The following CCNI variants were observed in gnomAD, a reference collection of about 807,000 sequenced individuals.
The protein encoded by CCNI is cyclin I.
Under a neutral mutation model 34.1 loss-of-function variants are expected in CCNI, and 14 were observed. The ratio of observed to expected loss-of-function variants is 0.41; its 90% CI spans 0.27 to 0.64. The LOEUF (loss-of-function observed/expected upper bound fraction) is 0.64. Among genes scored for constraint, CCNI ranks in the 30% least tolerant of loss-of-function variants. CCNI has a pLI of 0.31. For synonymous variants in CCNI, 154 were observed against 158.4 expected (o/e 0.97, Z 0.21); for missense variants, 385 against 440.5 (o/e 0.87, Z 1.13).
intron 1 of CCNI, among the ~76,000 whole-genome samples, chr4:77,069,887 T>G (rs937471991): frequency 6.6e-6 from 1 of 151,994 alleles, no homozygotes; most frequent in Non-Finnish European, 1.5e-5. Context: ...ATCCTTCCAA[T>G]CTTTGAAGGG....
chr4:77,050,732 A>G (rs1047496050), intron 6 of CCNI, among the ~76,000 whole-genome samples: 2 of 152,144 alleles, frequency 1.3e-5, no homozygotes, highest in African/African-American at 4.8e-5. Flanking sequence ...CATTTAGGCT[A>G]GGTCTTATTA....
chr4:77,050,441 T>G (rs2110006649), intron 6 of CCNI, among the ~76,000 whole-genome samples: 1 of 152,298 alleles, frequency 6.6e-6, no homozygotes, highest in South Asian at 2.1e-4. Context: ...ACATTCACTA[T>G]TTGTTACTGA....
At chr4:77,055,078 G>GT (rs558160298) in intron 6 of CCNI, 72 bp downstream of exon 6, 2 of 938,918 alleles carry the variant, frequency 2.1e-6, no homozygotes, top group South Asian at 1.5e-5. Context: ...ATGTCTTTTA[G>GT]TTTGGTAACT....
chr4:77,056,586 C>CTT (rs35437385), intron 3 of CCNI: 4,942 of 160,960 alleles, frequency 0.031, 129 homozygotes, highest in African/African-American at 0.072. Flanking sequence ...CTAGAGCTAA[C>CTT]TTTTTTTTTT....
chr4:77,060,622 CTAATT>C (rs1728542476), intron 2 of CCNI, among the ~76,000 whole-genome samples: 1 of 146,204 alleles, frequency 6.8e-6, no homozygotes, highest in Non-Finnish European at 1.5e-5. Flanking sequence ...CCAGGCCCGG[CTAATT>C]TTTTTTTTTT....
chr4:77,071,172 T>G (rs1038236709), intron 1 of CCNI, among the ~76,000 whole-genome samples: 1 of 152,220 alleles, frequency 6.6e-6, no homozygotes, highest in Non-Finnish European at 1.5e-5. Flanking sequence ...TCAGGTTCAA[T>G]GGATTCCCGT....
chr4:77,049,277 C>T (rs1259412222), intron 6 of CCNI, among the ~76,000 whole-genome samples: 1 of 152,114 alleles, frequency 6.6e-6, no homozygotes, highest in African/African-American at 2.4e-5. Flanking sequence ...TTCCTTCTTA[C>T]CCTTCAGGAC....
Position 77,047,461 on chromosome 4 carries a change from T to A in CCNI, c.*758A>T, listed in dbSNP as rs890693077. On this transcript the variant is annotated 3_prime_UTR_variant, in exon 7 of 7. Transcript: ENST00000237654. ...GTTAGAAAAATCTAATTTAAGTTGT[T>A]AATACATGTTTCTTTGGTGAGCACC... 2 of 152,222 alleles carry A rather than the reference T, an allele frequency of 1.3e-5. No homozygotes were observed. The highest frequency in any genetic ancestry group is 2.9e-5 in the Non-Finnish European group (2 of 68,040). The allele number at this position is 152,222 out of a possible 1,614,324, so 9.4% of individuals were successfully genotyped here.
At chr4:77,069,966 C>T (rs994082994) in intron 1 of CCNI, among the ~76,000 whole-genome samples, 34 of 151,810 alleles carry the variant, frequency 2.2e-4, no homozygotes, top group African/African-American at 7.0e-4. Context: ...GATATTTTGC[C>T]TCTTCTAAAT....
chr4:77,060,221 G>A (rs549840087), intron 2 of CCNI, among the ~76,000 whole-genome samples: 88 of 152,178 alleles, frequency 5.8e-4, no homozygotes, highest in South Asian at 2.9e-3. Flanking sequence ...TACAAAAAAA[G>A]AGAATACAGT....
chr4:77,070,043 A>C (rs1171765496), intron 1 of CCNI, among the ~76,000 whole-genome samples: 1 of 146,870 alleles, frequency 6.8e-6, no homozygotes, highest in East Asian at 2.0e-4. Flanking sequence ...TTGAGACAAG[A>C]GTCTCACTCT....
At chr4:77,072,470 A>T (rs1157901780) in intron 1 of CCNI, among the ~76,000 whole-genome samples, 1 of 147,224 alleles carries the variant, frequency 6.8e-6, no homozygotes, top group Non-Finnish European at 1.5e-5. Flanking sequence ...AAAAAAAAAA[A>T]AAAAAAATTT....
At chr4:77,061,062 A>AT (rs1224043439) in intron 2 of CCNI, among the ~76,000 whole-genome samples, 1 of 152,160 alleles carries the variant, frequency 6.6e-6, no homozygotes, top group Non-Finnish European at 1.5e-5. Flanking sequence ...TTTGGCCCAT[A>AT]TACCAGATAG....
chr4:77,048,444 T>TG lies in CCNI; in HGVS notation c.908dup (p.Ala304SerfsTer19). On this transcript the variant is annotated frameshift_variant, in exon 7 of 7. Transcript: ENST00000237654. LOFTEE classifies it high-confidence loss of function. ...CTGGGAGATGATGGTAAAAGGCTGCTGTACCTCTGACTGGCACTTCTGGCT... is the reference window on the plus strand; with the variant it reads ...CTGGGAGATGATGGTAAAAGGCTGCTGGTACCTCTGACTGGCACTTCTGGCT... 6.2e-7 allele frequency: 1 copy of TG among 1,614,170 alleles called. No homozygotes were observed. The highest frequency in any genetic ancestry group is 8.5e-7 in the Non-Finnish European group (1 of 1,180,010).
chr4:77,075,613 T>A lies in CCNI; in HGVS notation c.-185A>T. On this transcript the variant is annotated 5_prime_UTR_variant, in exon 1 of 7. Transcript: ENST00000237654. ...GTGCGCGCGGGACGACTCGGCCAAC[T>A]GAGGAGGGAGAAAGGGGAAGCGGAT... 6 of 976,966 alleles carry A rather than the reference T, an allele frequency of 6.1e-6. No individual in the cohort carries two copies. The highest frequency in any genetic ancestry group is 7.3e-6 in the Non-Finnish European group (6 of 820,686). The allele number at this position is 976,966 out of a possible 1,614,324, so 60.5% of individuals were successfully genotyped here.
chr4:77,053,316 G>C (rs1727992519), intron 6 of CCNI, among the ~76,000 whole-genome samples: 1 of 151,764 alleles, frequency 6.6e-6, no homozygotes, highest in African/African-American at 2.4e-5. Context: ...TCACTACTAA[G>C]TAGCTCTACA....
chr4:77,058,174 G>A (rs1255674094), intron 3 of CCNI, among the ~76,000 whole-genome samples: 1 of 152,100 alleles, frequency 6.6e-6, no homozygotes, highest in South Asian at 2.1e-4. Flanking sequence ...GGCCAACACG[G>A]CAAAACCCTG....
intron 1 of CCNI, among the ~76,000 whole-genome samples, chr4:77,071,612 G>C (rs973131731): frequency 3.9e-5 from 6 of 152,144 alleles, no homozygotes; most frequent in Non-Finnish European, 8.8e-5. Flanking sequence ...TAGCCAGCTA[G>C]ACTGACCACG....
At position 77,066,272 on chromosome 4, in the gene CCNI, C is replaced by T. The variant is rs748567366; in HGVS notation, c.91G>A (p.Val31Met). 2.5e-6 allele frequency: 4 copies of T among 1,613,914 alleles called. No homozygotes were observed. Among genetic ancestry groups the T allele is most frequent in the Middle Eastern group, 1.6e-4 (1 of 6,084 alleles). The change falls in exon 2 of 7, where the codon GTG becomes ATG. Residue 31 changes from valine to methionine, a missense_variant. Val to Met is a conservative substitution (Grantham distance 21, BLOSUM62 1). Around this residue, in one of 2 missense-constraint regions of CCNI, gnomAD observed 135 missense variants for 191.8 expected, o/e 0.70. Coordinates refer to ENST00000237654, the MANE Select transcript of CCNI (RefSeq NM_006835.3). The part of the protein sequence containing the change: ...TREAQMWKVN[V>M]RKMPSNQNVS... ...ACCTGATTTGAAGGCATTTTCCGCA[C>T]ATTCACTTTCCACATCTGTGCTTCC... is the stretch of plus-strand genomic sequence containing the variant.
Sources: allele counts gnomAD v4.1 joint callset (sites outside exome capture counted in the v4.1 genomes callset), GRCh38; gene constraint gnomAD v4.1.1; regional missense constraint gnomAD v4.1.1; transcripts MANE v1.5; gene names NCBI Gene and HGNC (gene_info 2026-07-23, HGNC 2026-07-21).